The following ACACA variants were observed in gnomAD, a reference collection of about 807,000 sequenced individuals.
ACACA encodes the protein acetyl-CoA carboxylase 1.
Under a neutral mutation model 296.1 loss-of-function variants are expected in ACACA, and 103 were observed. That is an observed-to-expected ratio of 0.35 (90% CI 0.30 to 0.41). ACACA has a LOEUF of 0.41. Among genes scored for constraint, ACACA ranks in the 10% least tolerant of loss-of-function variants. ACACA has a pLI of 1.00. For missense variants in ACACA, 1,554 were observed against 2,989.7 expected (o/e 0.52, Z 11.20); for synonymous variants, 953 against 1,038.6 (o/e 0.92, Z 1.58).
chr17:37,282,800 T>C (rs2082602570), intron 5 of ACACA, among the ~76,000 whole-genome samples: 1 of 152,046 alleles, frequency 6.6e-6, no homozygotes, highest in African/African-American at 2.4e-5. Flanking sequence ...GTAAAAAGAA[T>C]ATGTAGCCGA....
intron 25 of ACACA, among the ~76,000 whole-genome samples, chr17:37,234,170 C>T (rs1409683206): frequency 6.6e-6 from 1 of 152,204 alleles, no homozygotes; most frequent in Non-Finnish European, 1.5e-5. Flanking sequence ...AAAGGCACTA[C>T]AGTCCCCAAA....
intron 52 of ACACA, 38 bp from the exon 53 acceptor site, chr17:37,098,022 GA>G: frequency 6.2e-7 from 1 of 1,613,660 alleles, no homozygotes; most frequent in Non-Finnish European, 8.5e-7. Flanking sequence ...ACTCTGTAAT[GA>G]CCAGGAATCT....
intron 1 of ACACA, among the ~76,000 whole-genome samples, chr17:37,396,137 C>G (rs982248715): frequency 3.8e-4 from 58 of 151,906 alleles, no homozygotes; most frequent in Non-Finnish European, 8.8e-5. Flanking sequence ...GTCAGGAGTT[C>G]GAGGCCAGCC....
At position 37,225,177 on chromosome 17, in the gene ACACA, G is replaced by T. The variant is rs554989028; in HGVS notation, c.3361-72C>A. Reference sequence around the variant, plus strand: ...TTCTAGACTCCTATTAGGCAGCTCTGATACAAAAGCAATAAATATAAATCT... The same window carrying T: ...TTCTAGACTCCTATTAGGCAGCTCTTATACAAAAGCAATAAATATAAATCT... On this transcript the variant is annotated intron_variant, in intron 26 of 55. Coordinates refer to ENST00000616317, the MANE Select transcript of ACACA (RefSeq NM_198834.3). 4 of 887,038 alleles carry T rather than the reference G, an allele frequency of 4.5e-6. No individual in the cohort carries two copies. In the East Asian group the frequency reaches 9.9e-5, roughly 22 times the overall value. The allele number at this position is 887,038 out of a possible 1,614,324, so 54.9% of individuals were successfully genotyped here.
chr17:37,297,828 G>A (rs1347444326), intron 3 of ACACA, among the ~76,000 whole-genome samples: 1 of 151,886 alleles, frequency 6.6e-6, no homozygotes, highest in African/African-American at 2.4e-5. Context: ...TGGGATTACA[G>A]GCATAAGCCA....
intron 1 of ACACA, chr17:37,377,903 TG>T: frequency 6.2e-7 from 1 of 1,611,368 alleles, no homozygotes; most frequent in Non-Finnish European, 8.5e-7. Context: ...AGTTGCCGAC[TG>T]GAACAGCTGC....
intron 52 of ACACA, among the ~76,000 whole-genome samples, chr17:37,105,188 C>A (rs76959323): frequency 0.025 from 3,831 of 152,194 alleles, 80 homozygotes; most frequent in African/African-American, 0.053. Flanking sequence ...AGGCTCTAGG[C>A]GACCTTGTAG....
intron 25 of ACACA, among the ~76,000 whole-genome samples, chr17:37,233,330 A>G (rs1317905025): frequency 1.3e-5 from 2 of 152,230 alleles, no homozygotes; most frequent in South Asian, 2.1e-4. Context: ...TCCGTGTTCC[A>G]ATAATGAGAT....
intron 1 of ACACA, among the ~76,000 whole-genome samples, chr17:37,390,284 TA>T (rs2050779158): frequency 1.6e-5 from 1 of 62,088 alleles, no homozygotes; most frequent in African/African-American, 7.7e-5. Flanking sequence ...ATATTATATA[TA>T]ATTATATATT....
At chr17:37,398,600 T>C (rs2051169414) in intron 1 of ACACA, among the ~76,000 whole-genome samples, 1 of 102,718 alleles carries the variant, frequency 9.7e-6, no homozygotes, top group South Asian at 3.5e-4. Flanking sequence ...GGCTTTTTTT[T>C]TGAGACAGAG....
chr17:37,193,565 T>A, intron 35 of ACACA, 150 bp from the exon 36 acceptor site: 2 of 588,968 alleles, frequency 3.4e-6, no homozygotes, highest in Admixed American at 2.8e-5. Flanking sequence ...TATATATGAA[T>A]GATCCTCCGC....
Position 37,406,416 on chromosome 17 carries a change from C to A in ACACA, c.-117G>T. ...CTGATTGAAACGCACCCTCTTCACC[C>A]CTTAAAATCAGTCTGGTTCATCCAC... On this transcript the variant is annotated 5_prime_UTR_variant, in exon 1 of 56. Transcript: ENST00000616317. The A allele has an allele frequency of 8.7e-7, 1 of 1,152,946 alleles. No homozygotes were observed. The highest frequency in any genetic ancestry group is 1.3e-6 in the Non-Finnish European group (1 of 766,024). The allele number at this position is 1,152,946 out of a possible 1,614,324, so 71.4% of individuals were successfully genotyped here.
At chr17:37,169,803 A>G (rs1373397896) in intron 41 of ACACA, among the ~76,000 whole-genome samples, 1 of 152,168 alleles carries the variant, frequency 6.6e-6, no homozygotes, top group Non-Finnish European at 1.5e-5. Flanking sequence ...TTTCTCTCCA[A>G]CATTTTTATC....
intron 2 of ACACA, among the ~76,000 whole-genome samples, chr17:37,331,688 G>A (rs1042942667): frequency 6.6e-6 from 1 of 151,996 alleles, no homozygotes; most frequent in Non-Finnish European, 1.5e-5. Context: ...CTATGGGTGT[G>A]AGCCACTGTG....
chr17:37,128,023 T>TAAAAAAAA (rs2074890198), intron 47 of ACACA, among the ~76,000 whole-genome samples: 705 of 22,532 alleles, frequency 0.031, 96 homozygotes, highest in Middle Eastern at 0.067. Flanking sequence ...AAACTCCATC[T>TAAAAAAAA]CAAAAAAAAA....
Position 37,310,811 on chromosome 17 carries a change from A to AG in ACACA, c.338+19361_338+19362insC, listed in dbSNP as rs1555639629. On this transcript the variant is annotated intron_variant, in intron 3 of 55. Transcript: ENST00000616317. ...ACCATCTCAAAAAAAAAAAAAAAAA[A>AG]AAAGAAAGAAAATGTATATCAAGTA... is the stretch of plus-strand genomic sequence containing the variant. Among the ~76,000 whole-genome samples the AG allele has an allele frequency of 3.3e-3, 499 of 149,284 alleles. 15 individuals carry two copies. In the East Asian group the frequency reaches 0.048, roughly 14 times the overall value.
chr17:37,295,707 G>A (rs915768286), intron 3 of ACACA, among the ~76,000 whole-genome samples: 1 of 151,968 alleles, frequency 6.6e-6, no homozygotes, highest in Non-Finnish European at 1.5e-5. Flanking sequence ...GGTGGATCAC[G>A]AGGTCAGGAG....
intron 54 of ACACA, among the ~76,000 whole-genome samples, chr17:37,090,973 CTTTAG>C (rs1597786568): frequency 6.6e-6 from 1 of 151,320 alleles, no homozygotes; most frequent in Non-Finnish European, 1.5e-5. Flanking sequence ...ATCCCAAAGC[CTTTAG>C]TTTAGGAGAA....
intron 1 of ACACA, among the ~76,000 whole-genome samples, chr17:37,373,445 C>T (rs946005129): frequency 1.3e-5 from 2 of 152,052 alleles, no homozygotes; most frequent in East Asian, 3.9e-4. Context: ...CAGGGTTTAA[C>T]CTTGTTAGTC....
Sources: gnomAD v4.1 joint callset for allele counts (sites outside exome capture counted in the v4.1 genomes callset) on GRCh38, gnomAD v4.1.1 for gene constraint, MANE v1.5 for transcripts, NCBI Gene and HGNC (gene_info 2026-07-23, HGNC 2026-07-21) for gene names.